Variants in LAMA3 observed in about 807,000 individuals in gnomAD.
The protein encoded by LAMA3 is laminin subunit alpha 3, also known as laminin subunit alpha-3.
Under a neutral mutation model 402.0 loss-of-function variants are expected in LAMA3, and 281 were observed. That is an observed-to-expected ratio of 0.70 (90% CI 0.63 to 0.77). The LOEUF is 0.77. Among genes scored for constraint, LAMA3 ranks in the 30% least tolerant of loss-of-function variants. The pLI is 0.00. For missense variants in LAMA3, 3,840 were observed against 4,215.5 expected (o/e 0.91, Z 2.47); for synonymous variants, 1,431 against 1,558.4 (o/e 0.92, Z 1.93).
intron 2 of LAMA3, among the ~76,000 whole-genome samples, chr18:23,727,360 C>G (rs1288425809): frequency 6.6e-6 from 1 of 152,190 alleles, no homozygotes; most frequent in Non-Finnish European, 1.5e-5. Flanking sequence ...GAGTCTCACT[C>G]TGTCTCCCAG....
In LAMA3 at chr18:23,871,643, C is replaced by T. The variant is rs371135283; in HGVS notation, c.4980C>T (p.Tyr1660=). The T allele has an allele frequency of 2.5e-5, 40 of 1,608,870 alleles. No individual in the cohort carries two copies. Among genetic ancestry groups the T allele is most frequent in the Middle Eastern group, 3.3e-4 (2 of 6,046 alleles). The change falls in exon 38 of 75, where the codon TAC becomes TAT. Residue 1660 remains tyrosine, a synonymous_variant. Coordinates refer to ENST00000313654, the MANE Select transcript of LAMA3 (RefSeq NM_198129.4). ...AVEICACPPA[Y]AGDSCQGCSP... is the part of the protein sequence containing the mutation. ...AAATCTGTGCCTGCCCCCCTGCCTA[C>T]GCTGGTGACTCTTGTCAGGTAGGAA...
At chr18:23,828,145 C>A (rs939144298) in intron 23 of LAMA3, among the ~76,000 whole-genome samples, 7 of 152,154 alleles carry the variant, frequency 4.6e-5, no homozygotes, top group African/African-American at 9.7e-5. Context: ...TATTTTTATT[C>A]TTTGCTCTCT....
At position 23,951,776 on chromosome 18, in the gene LAMA3, A is replaced by T. The variant is rs2082923791; in HGVS notation, c.9735A>T (p.Ala3245=). ...SLCDGQWHSV[A]VTIKQHILHL... is the part of the protein sequence containing the mutation. ...GTGATGGACAGTGGCACTCGGTGGC[A>T]GGTATGTTGTCCAGTAGCTGATTGT... is the stretch of plus-strand genomic sequence containing the variant. Residue 3245 remains alanine, a splice_region_variant and synonymous_variant, in exon 73 of 75, where the codon GCA becomes GCT. Coordinates refer to ENST00000313654, the MANE Select transcript of LAMA3 (RefSeq NM_198129.4). 17 of 1,611,532 alleles carry T rather than the reference A, an allele frequency of 1.1e-5. No individual in the cohort carries two copies. The highest frequency in any genetic ancestry group is 1.4e-5 in the Non-Finnish European group (17 of 1,177,800).
At chr18:23,836,486 G>C (rs1390536033) in intron 24 of LAMA3, among the ~76,000 whole-genome samples, 2 of 152,174 alleles carry the variant, frequency 1.3e-5, no homozygotes, top group Non-Finnish European at 2.9e-5. Flanking sequence ...GGAGGGAAGA[G>C]ATACCACAGG....
chr18:23,829,497 C>G (rs1457738883), intron 23 of LAMA3, among the ~76,000 whole-genome samples: 6 of 152,142 alleles, frequency 3.9e-5, no homozygotes, highest in Non-Finnish European at 5.9e-5. Flanking sequence ...TTACAGTGTG[C>G]CTTCTCTATT....
intron 29 of LAMA3, among the ~76,000 whole-genome samples, chr18:23,843,386 T>C (rs1427075877): frequency 1.3e-5 from 2 of 152,202 alleles, no homozygotes; most frequent in Admixed American, 6.5e-5. Context: ...CCTTGAGTGA[T>C]GACAACCAGT....
At chr18:23,730,945 C>G (rs2061384694) in intron 2 of LAMA3, among the ~76,000 whole-genome samples, 1 of 151,840 alleles carries the variant, frequency 6.6e-6, no homozygotes, top group Non-Finnish European at 1.5e-5. Flanking sequence ...ATGAGCTTAC[C>G]AAGGCTTATT....
intron 5 of LAMA3, among the ~76,000 whole-genome samples, chr18:23,752,035 C>T (rs1598720190): frequency 6.6e-6 from 1 of 152,144 alleles, no homozygotes; most frequent in African/African-American, 2.4e-5. Flanking sequence ...ATATAGGTAA[C>T]ATCAGAGAGC....
In LAMA3 at chr18:23,904,083, G is replaced by T. The variant is rs766870171; in HGVS notation, c.6469G>T (p.Glu2157Ter). The change falls in exon 50 of 75, where the codon GAA becomes TAA. Residue 2157 changes from glutamate to a stop codon, truncating the protein, a stop_gained. Coordinates refer to ENST00000313654, the MANE Select transcript of LAMA3 (RefSeq NM_198129.4). LOFTEE classifies it high-confidence loss of function. ...CTTACAAGAGCTGGCAAAGCAGCTG[G>T]AAGAGTGAGTGCATGGCCCAGGAGA... ...RSLQELAKQL[E>*]EIKRNASGDE... The T allele has an allele frequency of 6.2e-7, 1 of 1,613,538 alleles. No homozygotes were observed. The highest frequency in any genetic ancestry group is 1.1e-5 in the South Asian group (1 of 91,056).
chr18:23,784,297 G>T, intron 12 of LAMA3, 140 bp downstream of exon 12: 2 of 991,598 alleles, frequency 2.0e-6, no homozygotes, highest in South Asian at 1.3e-5. Context: ...GATGTTACAT[G>T]TGATGGTCCT....
rs142871142 is a variant in LAMA3, at chr18:23,748,707, A to G, written c.565+647A>G. On this transcript the variant is annotated intron_variant, in intron 3 of 74. Coordinates refer to ENST00000313654, the MANE Select transcript of LAMA3 (RefSeq NM_198129.4). Reference sequence around the variant, plus strand: ...CTACTCGGGAGGCTGAGGTGGGAGAATCACTTGAATCCAGGAGGCGGAGGT... The same window carrying G: ...CTACTCGGGAGGCTGAGGTGGGAGAGTCACTTGAATCCAGGAGGCGGAGGT... Among the ~76,000 whole-genome samples the G allele has an allele frequency of 7.6e-3, 1,158 of 151,704 alleles. 8 individuals carry two copies. The highest frequency in any genetic ancestry group is 0.068 in the Middle Eastern group (20 of 292).
intron 37 of LAMA3, among the ~76,000 whole-genome samples, 155 bp from the exon 38 acceptor site, chr18:23,871,276 A>G (rs2064508989): frequency 6.6e-6 from 1 of 152,116 alleles, no homozygotes; most frequent in Admixed American, 6.5e-5. Context: ...CTAAATGTAA[A>G]TACTCCAGGA....
At chr18:23,878,598 A>G (rs978774662) in intron 39 of LAMA3, among the ~76,000 whole-genome samples, 2 of 152,274 alleles carry the variant, frequency 1.3e-5, no homozygotes, top group Non-Finnish European at 2.9e-5. Context: ...TGTCCACTGC[A>G]TGGAAGCTGA....
intron 38 of LAMA3, among the ~76,000 whole-genome samples, chr18:23,873,997 G>GA (rs1399628764): frequency 6.6e-6 from 1 of 152,058 alleles, no homozygotes; most frequent in Non-Finnish European, 1.5e-5. Flanking sequence ...TATAAGAGGT[G>GA]AAAAAATGAT....
chr18:23,709,686 G>A (rs2060953276), intron 1 of LAMA3: 2 of 405,620 alleles, frequency 4.9e-6, no homozygotes, highest in South Asian at 4.3e-5. Context: ...GATACTCATG[G>A]GAAGGAAAGA....
At chr18:23,775,587 C>T (rs953828068) in intron 9 of LAMA3, among the ~76,000 whole-genome samples, 2 of 152,008 alleles carry the variant, frequency 1.3e-5, no homozygotes, top group African/African-American at 4.8e-5. Flanking sequence ...TGTGGACGCT[C>T]ATTACAGCTG....
Position 23,815,195 on chromosome 18 carries a change from G to A in LAMA3, c.1896G>A (p.Lys632=). The stretch of plus-strand genomic sequence containing the variant: ...GCTCTCTTATCTCCACAGAATGCAA[G>A]TGCCATAAGGCGGGAACAGTGAGTG... The part of the protein sequence containing the change: ...KENPSGCSEC[K]CHKAGTVSGT... Residue 632 remains lysine (K), a synonymous_variant, in exon 16 of 75, where the codon AAG becomes AAA. Coordinates refer to ENST00000313654, the MANE Select transcript of LAMA3 (RefSeq NM_198129.4). 1 of 1,614,148 alleles carries A rather than the reference G, an allele frequency of 6.2e-7. No individual in the cohort carries two copies. Among genetic ancestry groups the A allele is most frequent in the Non-Finnish European group, 8.5e-7 (1 of 1,179,972 alleles).
chr18:23,698,557 G>A (rs1388349899), intron 1 of LAMA3, among the ~76,000 whole-genome samples: 1 of 152,064 alleles, frequency 6.6e-6, no homozygotes, highest in African/African-American at 2.4e-5. Context: ...AATAAAGTCT[G>A]GGTTGGTGCT....
At chr18:23,842,340 T>C in intron 27 of LAMA3, 55 bp from the exon 28 acceptor site, 2 of 1,606,322 alleles carry the variant, frequency 1.2e-6, no homozygotes, top group African/African-American at 1.3e-5. Context: ...CAGTTATTCA[T>C]AGCTCTTCAG....
Sources: gnomAD v4.1 joint callset for allele counts (sites outside exome capture counted in the v4.1 genomes callset) on GRCh38, gnomAD v4.1.1 for gene constraint, MANE v1.5 for transcripts, NCBI Gene and HGNC (gene_info 2026-07-23, HGNC 2026-07-21) for gene names.